The following SMARCAD1 variants were observed in gnomAD, a reference collection of about 807,000 sequenced individuals.
The protein encoded by SMARCAD1 is SWI/SNF-related matrix-associated actin-dependent regulator of chromatin subfamily A containing DEAD/H box 1.
In SMARCAD1, 25 loss-of-function variants were observed where a neutral mutation model predicts 127.1. The ratio of observed to expected loss-of-function variants is 0.20; its 90% CI spans 0.14 to 0.27. The LOEUF (loss-of-function observed/expected upper bound fraction) is 0.27. Ranked by LOEUF, SMARCAD1 falls within the 10% of genes least tolerant of loss-of-function variation. SMARCAD1 has a pLI of 1.00. For missense variants in SMARCAD1, 807 were observed against 1,206.0 expected (o/e 0.67, Z 4.90); for synonymous variants, 400 against 396.9 (o/e 1.01, Z -0.09).
rs1749810612 is a variant in SMARCAD1 at position 94,254,840 on chromosome 4, G to C, written c.1281+1833G>C. On this transcript the variant is annotated intron_variant, in intron 9 of 23. Coordinates refer to ENST00000354268, the MANE Select transcript of SMARCAD1 (RefSeq NM_020159.5). ...ACAGATATGCTTTAAATTTTAATTTGCTTAGAACTTTGAGCTCCTACTTTA... is the reference window on the plus strand; with the variant it reads ...ACAGATATGCTTTAAATTTTAATTTCCTTAGAACTTTGAGCTCCTACTTTA... Among the ~76,000 whole-genome samples, 3 of 152,068 alleles carry C rather than the reference G, an allele frequency of 2.0e-5. No homozygotes were observed. The South Asian group carries it at 6.2e-4, about 32-fold the overall frequency.
At chr4:94,276,579 T>A (rs544207145) in intron 15 of SMARCAD1, 105 bp downstream of exon 15, 1 of 1,400,220 alleles carries the variant, frequency 7.1e-7, no homozygotes, top group Non-Finnish European at 9.7e-7. Flanking sequence ...TAGTTTAATA[T>A]ATGTAGTATT....
intron 3 of SMARCAD1, among the ~76,000 whole-genome samples, chr4:94,228,419 C>T (rs554084456): frequency 1.3e-5 from 2 of 152,260 alleles, no homozygotes; most frequent in South Asian, 4.2e-4. Flanking sequence ...GTCATTCATT[C>T]ATTTGCATAT....
intron 23 of SMARCAD1, among the ~76,000 whole-genome samples, chr4:94,285,274 G>A (rs1214025611): frequency 6.6e-6 from 1 of 152,016 alleles, no homozygotes; most frequent in Non-Finnish European, 1.5e-5. Flanking sequence ...TTTTATTTTT[G>A]TATATGTTTT....
intron 9 of SMARCAD1, among the ~76,000 whole-genome samples, chr4:94,257,260 C>T (rs549541866): frequency 1.3e-5 from 2 of 152,208 alleles, no homozygotes; most frequent in African/African-American, 4.8e-5. Flanking sequence ...ATTGAAACAG[C>T]ATGTGCAGAA....
chr4:94,223,695 G>T (rs963058769), intron 2 of SMARCAD1, among the ~76,000 whole-genome samples: 2 of 147,928 alleles, frequency 1.4e-5, no homozygotes, highest in Admixed American at 6.7e-5. Flanking sequence ...CACCTCCCCA[G>T]TAGCTGGAAC....
chr4:94,239,763 G>A lies in SMARCAD1; in HGVS notation c.605-1143G>A, dbSNP rs113923963. 9.2e-3 allele frequency among the ~76,000 whole-genome samples: 1,392 copies of A among 151,894 alleles called. 16 individuals carry two copies. Among genetic ancestry groups the A allele is most frequent in the African/African-American group, 0.031 (1,295 of 41,416 alleles). ...AATTTTTGTAGTTTGAGTAGAGATG[G>A]GGTTTCACCATATTGCCAAGGCTGA... On this transcript the variant is annotated intron_variant, in intron 5 of 23. Coordinates refer to ENST00000354268, the MANE Select transcript of SMARCAD1 (RefSeq NM_020159.5).
chr4:94,289,418 T>G, intron 23 of SMARCAD1, 55 bp from the exon 24 acceptor site: 1 of 1,473,602 alleles, frequency 6.8e-7, no homozygotes. Flanking sequence ...TGAGACAATT[T>G]TTTTTTAAGT....
intron 5 of SMARCAD1, among the ~76,000 whole-genome samples, 176 bp downstream of exon 5, chr4:94,237,194 T>A (rs934989268): frequency 3.3e-5 from 5 of 152,206 alleles, no homozygotes; most frequent in Non-Finnish European, 5.9e-5. Context: ...TTCTCACTGA[T>A]AATTTTACTG....
chr4:94,250,817 G>A lies in SMARCAD1; in HGVS notation c.873G>A (p.Val291=). 1.9e-6 allele frequency: 3 copies of A among 1,611,920 alleles called. No individual in the cohort carries two copies. The highest frequency in any genetic ancestry group is 2.5e-6 in the Non-Finnish European group (3 of 1,178,408). ...MYTEALESLK[V]FAEDQDMQYV... Reference sequence around the variant, plus strand: ...CAGAAGCTTTAGAATCTCTAAAAGTGTTTGCAGAAGACCAAGGTAATTATT... The same window carrying A: ...CAGAAGCTTTAGAATCTCTAAAAGTATTTGCAGAAGACCAAGGTAATTATT... The change falls in exon 8 of 24, where the codon GTG becomes GTA. Residue 291 remains valine, a synonymous_variant. Transcript: ENST00000354268.
chr4:94,284,772 C>T (rs1378021998), intron 22 of SMARCAD1, among the ~76,000 whole-genome samples, 188 bp from the exon 23 acceptor site: 1 of 152,042 alleles, frequency 6.6e-6, no homozygotes, highest in Non-Finnish European at 1.5e-5. Flanking sequence ...CTCTTTTCTT[C>T]CATCTGTAGG....
intron 21 of SMARCAD1, among the ~76,000 whole-genome samples, 182 bp downstream of exon 21, chr4:94,281,772 A>G (rs991403145): frequency 4.6e-5 from 7 of 152,096 alleles, no homozygotes; most frequent in Non-Finnish European, 7.4e-5. Context: ...TGTAATCCCA[A>G]CACTTTGGGA....
At position 94,283,164 on chromosome 4, in the gene SMARCAD1, G is replaced by A; in HGVS notation, c.2770G>A (p.Val924Met). The change falls in exon 22 of 24, where the codon GTG (valine) becomes ATG (methionine). Residue 924 changes from valine to methionine, a missense_variant. Transcript: ENST00000354268. ...GTTTAATACCGATATGGATATCTTT[G>A]TGTTTCTGCTATCAACAAAAGCTGG... ...DEFNTDMDIFVFLLSTKAGGL... is the reference protein window; with the variant it reads ...DEFNTDMDIFMFLLSTKAGGL... 6.2e-7 allele frequency: 1 copy of A among 1,613,572 alleles called. No homozygotes were observed. Among genetic ancestry groups the A allele is most frequent in the Non-Finnish European group, 8.5e-7 (1 of 1,179,904 alleles).
At chr4:94,239,947 T>TG (rs1747325518) in intron 5 of SMARCAD1, among the ~76,000 whole-genome samples, 1 of 152,232 alleles carries the variant, frequency 6.6e-6, no homozygotes, top group South Asian at 2.1e-4. Flanking sequence ...GAAGGTTTTT[T>TG]TCAGACTTAA....
intron 2 of SMARCAD1, among the ~76,000 whole-genome samples, chr4:94,216,081 A>T (rs1215157515): frequency 6.6e-6 from 1 of 152,116 alleles, no homozygotes; most frequent in African/African-American, 2.4e-5. Flanking sequence ...TAGGTATCTC[A>T]GGGCCCTATT....
rs200242031 is a variant in SMARCAD1 at position 94,283,089 on chromosome 4, G to A, written c.2727-32G>A. 1.7e-5 allele frequency: 27 copies of A among 1,570,278 alleles called. 1 individual carries two copies. The East Asian group carries it at 5.6e-4, about 33-fold the overall frequency. On this transcript the variant is annotated intron_variant, in intron 21 of 23. Transcript: ENST00000354268. ...TTTAATTACATTATACAACTTTTTA[G>A]TGAGATTTAACCTAATTTGTTTATC...
intron 2 of SMARCAD1, among the ~76,000 whole-genome samples, chr4:94,210,667 C>T (rs889022343): frequency 2.0e-5 from 3 of 152,094 alleles, no homozygotes; most frequent in South Asian, 4.1e-4. Context: ...TTTTTATGCG[C>T]GGTGGCTGAA....
intron 9 of SMARCAD1, among the ~76,000 whole-genome samples, chr4:94,254,743 T>C (rs993008734): frequency 6.6e-6 from 1 of 152,158 alleles, no homozygotes; most frequent in Non-Finnish European, 1.5e-5. Context: ...AACTTTCTAC[T>C]TGAGTTCAGT....
At chr4:94,286,384 ATCTTACCT>A in intron 23 of SMARCAD1, among the ~76,000 whole-genome samples, 1 of 152,276 alleles carries the variant, frequency 6.6e-6, no homozygotes, top group East Asian at 1.9e-4. Context: ...AGCTTTAGAC[ATCTTACCT>A]GTTCAAGCTG....
intron 6 of SMARCAD1, among the ~76,000 whole-genome samples, chr4:94,248,794 G>T (rs1051140244): frequency 2.0e-5 from 3 of 152,114 alleles, no homozygotes; most frequent in Admixed American, 6.5e-5. Context: ...ACTCCATTGT[G>T]CAGAGGAGGT....
Sources: allele counts gnomAD v4.1 joint callset (sites outside exome capture counted in the v4.1 genomes callset), GRCh38; gene constraint gnomAD v4.1.1; transcripts MANE v1.5; gene names NCBI Gene and HGNC (gene_info 2026-07-23, HGNC 2026-07-21).